EEA1: variants seen among roughly 807,000 people sequenced by gnomAD.
EEA1 encodes early endosome antigen 1, 162kD.
Under a neutral mutation model 209.2 loss-of-function variants are expected in EEA1, and 111 were observed. The observed-to-expected ratio is 0.53, with a 90% CI of 0.45 to 0.62. The LOEUF (loss-of-function observed/expected upper bound fraction) is 0.62. Ranked by LOEUF, EEA1 falls within the 20% of genes least tolerant of loss-of-function variation. The pLI is 0.00. For missense variants in EEA1, 1,343 were observed against 1,530.8 expected, an observed-to-expected ratio of 0.88 and a Z score of 2.05; for synonymous variants, 536 against 540.6, an observed-to-expected ratio of 0.99 and a Z score of 0.12.
Position 92,813,078 on chromosome 12 carries a change from C to A in EEA1, c.1945G>T (p.Glu649Ter). 6.3e-7 allele frequency: 1 copy of A among 1,585,868 alleles called. No homozygotes were observed. Among genetic ancestry groups the A allele is most frequent in the Non-Finnish European group, 8.6e-7 (1 of 1,161,276 alleles). Reference sequence around the variant, plus strand: ...GCTGCTTCTGCTGATAGTAATAGTTCGGTTTTGGCTTTAATCTGTAACAGC... The same window carrying A: ...GCTGCTTCTGCTGATAGTAATAGTTAGGTTTTGGCTTTAATCTGTAACAGC... ...QLDIQIKAKT[E>*]LLLSAEAAKT... Residue 649 changes from glutamate (E) to a stop codon, truncating the protein, a stop_gained, in exon 16 of 29, where the codon GAA becomes TAA. Coordinates refer to ENST00000322349, the MANE Select transcript of EEA1 (RefSeq NM_003566.4). LOFTEE classifies it high-confidence loss of function.
intron 2 of EEA1, among the ~76,000 whole-genome samples, chr12:92,878,885 T>C (rs1284891433): frequency 6.6e-6 from 1 of 152,128 alleles, no homozygotes; most frequent in African/African-American, 2.4e-5. Flanking sequence ...AAAAACACAA[T>C]TCACCAAAAC....
At chr12:92,864,324 A>G (rs1878279395) in intron 3 of EEA1, among the ~76,000 whole-genome samples, 1 of 152,184 alleles carries the variant, frequency 6.6e-6, no homozygotes, top group Non-Finnish European at 1.5e-5. Context: ...GTTCTCTCCA[A>G]TAGCAGAAGA....
intron 2 of EEA1, among the ~76,000 whole-genome samples, chr12:92,879,904 G>A (rs572581237): frequency 2.6e-5 from 4 of 152,218 alleles, no homozygotes; most frequent in African/African-American, 7.2e-5. Context: ...TTATCCCTAC[G>A]TAGTGGGTTT....
At chr12:92,853,879 G>A in intron 6 of EEA1, 36 bp downstream of exon 6, 1 of 1,579,994 alleles carries the variant, frequency 6.3e-7, no homozygotes, top group Non-Finnish European at 8.6e-7. Flanking sequence ...AGAAGAAAAA[G>A]AAAACTGACA....
intron 9 of EEA1, among the ~76,000 whole-genome samples, chr12:92,843,501 C>A (rs1002177124): frequency 6.6e-6 from 1 of 152,034 alleles, no homozygotes; most frequent in Non-Finnish European, 1.5e-5. Flanking sequence ...ACTAAAGCAA[C>A]AGTTTGATCA....
At chr12:92,924,131 A>G (rs1314616453) in intron 1 of EEA1, among the ~76,000 whole-genome samples, 1 of 152,094 alleles carries the variant, frequency 6.6e-6, no homozygotes, top group Non-Finnish European at 1.5e-5. Context: ...AAAGAAAAAA[A>G]TAAGAAAAGA....
chr12:92,813,251 G>A (rs978427977), intron 15 of EEA1, among the ~76,000 whole-genome samples, 158 bp from the exon 16 acceptor site: 8 of 152,078 alleles, frequency 5.3e-5, no homozygotes, highest in Non-Finnish European at 1.2e-4. Flanking sequence ...TGTGAAAATC[G>A]CCAAAATAGG....
chr12:92,853,843 C>G (rs1405612408), intron 6 of EEA1, 72 bp downstream of exon 6: 2 of 1,391,372 alleles, frequency 1.4e-6, no homozygotes, highest in Admixed American at 2.2e-5. Context: ...TGGCAGGCAT[C>G]AAAGAAAAAG....
At chr12:92,803,099 T>C (rs1271191947) in intron 18 of EEA1, among the ~76,000 whole-genome samples, 1 of 152,114 alleles carries the variant, frequency 6.6e-6, no homozygotes, top group Non-Finnish European at 1.5e-5. Context: ...AATCTATTCA[T>C]TATGTTAGTT....
Position 92,852,229 on chromosome 12 carries a change from C to T in EEA1, c.588G>A (p.Leu196=). The T allele has an allele frequency of 6.2e-7, 1 of 1,600,514 alleles. No homozygotes were observed. The highest frequency in any genetic ancestry group is 8.5e-7 in the Non-Finnish European group (1 of 1,173,944). ...REAAEQKVTR[L]TEELNKEATV... ...TTGCCTCTTTGTTTAATTCTTCTGT[C>T]AGACGTGTCACTTTTTGTTCAGCAG... Residue 196 remains leucine (L), a synonymous_variant, in exon 8 of 29, where the codon CTG becomes CTA. Transcript: ENST00000322349.
chr12:92,921,866 C>CAAAAAA (rs756583756), intron 1 of EEA1, among the ~76,000 whole-genome samples: 5 of 83,442 alleles, frequency 6.0e-5, no homozygotes, highest in Non-Finnish European at 1.1e-4. Flanking sequence ...GACTCTGTCT[C>CAAAAAA]AAAAAAAAAA....
chr12:92,912,729 C>G, intron 1 of EEA1, among the ~76,000 whole-genome samples: 1 of 152,152 alleles, frequency 6.6e-6, no homozygotes, highest in East Asian at 1.9e-4. Context: ...ACCCTTTCCC[C>G]ATTTCCATCT....
In EEA1 at chr12:92,802,412, A is replaced by C; in HGVS notation, c.2662T>G (p.Leu888Val). The C allele has an allele frequency of 1.3e-6, 2 of 1,572,566 alleles. No individual in the cohort carries two copies. Among genetic ancestry groups the C allele is most frequent in the Non-Finnish European group, 8.5e-7 (1 of 1,169,750 alleles). Reference sequence around the variant, plus strand: ...AAATGTAAACTACTAACCAAGTCTAATATAGCGGCTTTTCCTTTCTGATTC... The same window carrying C: ...AAATGTAAACTACTAACCAAGTCTACTATAGCGGCTTTTCCTTTCTGATTC... ...KENQKGKAAI[L>V]DLEKTCKELK... The change falls in exon 19 of 29, where the codon TTA becomes GTA. Residue 888 changes from leucine to valine, a missense_variant. Leu to Val is a conservative substitution (Grantham distance 32, BLOSUM62 1). Transcript: ENST00000322349.
At chr12:92,883,889 C>T (rs576269175) in intron 2 of EEA1, 142 of 1,592,174 alleles carry the variant, frequency 8.9e-5, no homozygotes, top group African/African-American at 7.0e-4. Flanking sequence ...CAATGGGGAA[C>T]GCTCACGGAC....
intron 12 of EEA1, among the ~76,000 whole-genome samples, chr12:92,827,196 A>G (rs2136688044): frequency 6.6e-6 from 1 of 152,224 alleles, no homozygotes. Context: ...TCTCTACCAA[A>G]AAATATAAAT....
intron 18 of EEA1, among the ~76,000 whole-genome samples, chr12:92,805,473 T>A (rs1875156615): frequency 6.6e-6 from 1 of 152,218 alleles, no homozygotes; most frequent in African/African-American, 2.4e-5. Context: ...CTACCTTTAC[T>A]ACTGGAACAG....
chr12:92,806,095 T>C (rs772774706), intron 18 of EEA1, among the ~76,000 whole-genome samples: 1 of 151,118 alleles, frequency 6.6e-6, no homozygotes, highest in Non-Finnish European at 1.5e-5. Flanking sequence ...TACTACAAAA[T>C]GTAGACAGAC....
chr12:92,848,669 C>T (rs1001876748), intron 9 of EEA1, among the ~76,000 whole-genome samples: 1 of 148,300 alleles, frequency 6.7e-6, no homozygotes, highest in Non-Finnish European at 1.5e-5. Context: ...AGAGTAACTC[C>T]TAAATGTTAC....
chr12:92,859,593 C>T (rs1878040537), intron 3 of EEA1, among the ~76,000 whole-genome samples: 1 of 151,972 alleles, frequency 6.6e-6, no homozygotes, highest in Admixed American at 6.6e-5. Flanking sequence ...GTTTTGTTTA[C>T]CATTGTAATG....
Sources: gnomAD v4.1 joint callset for allele counts (sites outside exome capture counted in the v4.1 genomes callset) on GRCh38, gnomAD v4.1.1 for gene constraint, MANE v1.5 for transcripts, NCBI Gene and HGNC (gene_info 2026-07-23, HGNC 2026-07-21) for gene names.